The following PIWIL2 variants were observed in gnomAD, a reference collection of about 807,000 sequenced individuals.
PIWIL2 encodes the protein piwi like RNA-mediated gene silencing 2.
In PIWIL2, 81 loss-of-function variants were observed where a neutral mutation model predicts 116.5. The ratio of observed to expected loss-of-function variants is 0.70; its 90% confidence interval spans 0.58 to 0.84. The LOEUF (loss-of-function observed/expected upper bound fraction) is 0.84, where lower values mean the gene tolerates loss of function less well. Ranked by LOEUF, PIWIL2 falls within the 40% of genes least tolerant of loss-of-function variation. PIWIL2 has a pLI of 0.00. For missense variants in PIWIL2, 1,272 were observed against 1,212.3 expected, an observed-to-expected ratio of 1.05 and a Z score of -0.73; for synonymous variants, 489 against 429.5, an observed-to-expected ratio of 1.14 and a Z score of -1.71.
At chr8:22,311,529 G>A (rs80076161) in intron 16 of PIWIL2, among the ~76,000 whole-genome samples, 1,658 of 152,178 alleles carry the variant, frequency 0.011, 43 homozygotes, top group African/African-American at 0.037. Flanking sequence ...TTTTTCTTAC[G>A]TAACTGGCTG....
In PIWIL2 at chr8:22,318,384, C is replaced by G. The variant is rs562807372; in HGVS notation, c.2403+109C>G. The G allele has an allele frequency of 4.4e-5, 27 of 616,402 alleles. No individual in the cohort carries two copies. In the African/African-American group the frequency reaches 5.0e-4, roughly 11 times the overall value. The allele number at this position is 616,402 out of a possible 1,614,324, so 38.2% of individuals were successfully genotyped here. A position where few individuals can be genotyped will look rare whatever the true frequency, so the allele number is the denominator to read the frequency against. On this transcript the variant is annotated intron_variant, in intron 20 of 22. Transcript: ENST00000356766. ...CCAGGTTGGAGTGCAGTGGTGCGATCTCTGTTCACTGCAACCTCTGCCTCC... is the reference window on the plus strand; with the variant it reads ...CCAGGTTGGAGTGCAGTGGTGCGATGTCTGTTCACTGCAACCTCTGCCTCC...
intron 10 of PIWIL2, among the ~76,000 whole-genome samples, chr8:22,303,352 A>G (rs7015860): frequency 0.061 from 9,275 of 152,272 alleles, 350 homozygotes; most frequent in Admixed American, 0.092. Context: ...GCAACTTTCT[A>G]TGATTTGATG....
At chr8:22,295,652 C>T (rs1830880856) in intron 10 of PIWIL2, among the ~76,000 whole-genome samples, 1 of 152,118 alleles carries the variant, frequency 6.6e-6, no homozygotes, top group African/African-American at 2.4e-5. Context: ...CCTCCCTTGT[C>T]CCCTGCAGCT....
At chr8:22,330,817 TC>T (rs1474356983) in intron 20 of PIWIL2, among the ~76,000 whole-genome samples, 1 of 151,904 alleles carries the variant, frequency 6.6e-6, no homozygotes, top group African/African-American at 2.4e-5. Flanking sequence ...TGACTTTTTT[TC>T]CCCATGCATA....
In PIWIL2 at chr8:22,316,787, A is replaced by G. The variant is rs71513879; in HGVS notation, c.2297+454A>G. Among the ~76,000 whole-genome samples, 858 of 150,506 alleles carry G rather than the reference A, an allele frequency of 5.7e-3. 4 individuals carry two copies. Among genetic ancestry groups the G allele is most frequent in the South Asian group, 0.011 (52 of 4,748 alleles). On this transcript the variant is annotated intron_variant, in intron 19 of 22. Transcript: ENST00000356766. Reference sequence around the variant, plus strand: ...GTGAGCCATCATGCCCGGCTATGAAATTTGTTTATGCAACTTTTTTTTTTT... The same window carrying G: ...GTGAGCCATCATGCCCGGCTATGAAGTTTGTTTATGCAACTTTTTTTTTTT...
chr8:22,329,939 T>C (rs1398942070), intron 20 of PIWIL2, among the ~76,000 whole-genome samples: 2 of 152,226 alleles, frequency 1.3e-5, no homozygotes. Flanking sequence ...TTTATCCTGC[T>C]TGGTGTCCCT....
In PIWIL2 at chr8:22,282,707, C is replaced by T. The variant is rs188094995; in HGVS notation, c.426-327C>T. ...CCAGGCTGAAGTGATCCTCCCACCT[C>T]AGCCACCCGAGTAGCTGGGACTACA... On this transcript the variant is annotated intron_variant, in intron 4 of 22. Coordinates refer to ENST00000356766, the MANE Select transcript of PIWIL2 (RefSeq NM_018068.5). Among the ~76,000 whole-genome samples, 1,070 of 152,190 alleles carry T rather than the reference C, an allele frequency of 7.0e-3. 5 individuals carry two copies. The highest frequency in any genetic ancestry group is 9.8e-3 in the Admixed American group (149 of 15,280).
At position 22,283,157 on chromosome 8, in the gene PIWIL2, G is replaced by T. The variant is rs769094695; in HGVS notation, c.549G>T (p.Gln183His). Residue 183 changes from glutamine to histidine, a missense_variant, in exon 5 of 23, where the codon CAG becomes CAT. Transcript: ENST00000356766. ...GCACACCGTCCCGGGGTCCCCCGCAGCTGTCATCACCACCAGCTCTGCCCC... is the reference window on the plus strand; with the variant it reads ...GCACACCGTCCCGGGGTCCCCCGCATCTGTCATCACCACCAGCTCTGCCCC... ...TFSTPSRGPP[Q>H]LSSPPALPQS... 2 of 1,614,132 alleles carry T rather than the reference G, an allele frequency of 1.2e-6. No individual in the cohort carries two copies.
chr8:22,323,082 T>A (rs1181098495), intron 20 of PIWIL2, among the ~76,000 whole-genome samples: 2 of 151,442 alleles, frequency 1.3e-5, no homozygotes, highest in Admixed American at 6.6e-5. Context: ...CCCAGCTAAT[T>A]TTTGTATTTT....
At chr8:22,340,516 G>A (rs1258874744) in intron 20 of PIWIL2, among the ~76,000 whole-genome samples, 1 of 152,116 alleles carries the variant, frequency 6.6e-6, no homozygotes, top group Non-Finnish European at 1.5e-5. Context: ...TGGGTCCTAA[G>A]CCAATGATGG....
intron 20 of PIWIL2, among the ~76,000 whole-genome samples, chr8:22,330,870 T>C (rs1350127865): frequency 6.6e-6 from 1 of 151,902 alleles, no homozygotes; most frequent in East Asian, 1.9e-4. Context: ...TCATAATTCT[T>C]TGTTGAAAAC....
At chr8:22,350,131 A>G (rs948051054) in intron 20 of PIWIL2, among the ~76,000 whole-genome samples, 17 of 152,322 alleles carry the variant, frequency 1.1e-4, no homozygotes, top group African/African-American at 3.4e-4. Flanking sequence ...ATGAAGAATT[A>G]TCTACCCACA....
chr8:22,304,900 C>G, intron 12 of PIWIL2, 32 bp downstream of exon 12: 1 of 1,408,016 alleles, frequency 7.1e-7, no homozygotes, highest in Non-Finnish European at 1.0e-6. Flanking sequence ...ACAATTCCAG[C>G]TTAAGTTCTT....
At chr8:22,338,755 G>A (rs1832039193) in intron 20 of PIWIL2, among the ~76,000 whole-genome samples, 1 of 152,030 alleles carries the variant, frequency 6.6e-6, no homozygotes, top group African/African-American at 2.4e-5. Context: ...GAAAACAATG[G>A]AGTACTTTGG....
intron 6 of PIWIL2, among the ~76,000 whole-genome samples, chr8:22,286,304 A>C (rs969602202): frequency 6.6e-6 from 1 of 152,362 alleles, no homozygotes; most frequent in East Asian, 1.9e-4. Context: ...CACTCATTTA[A>C]AAAGTTTATA....
intron 20 of PIWIL2, among the ~76,000 whole-genome samples, chr8:22,334,039 T>G (rs1395190181): frequency 6.6e-6 from 1 of 151,134 alleles, no homozygotes; most frequent in Non-Finnish European, 1.5e-5. Flanking sequence ...AGTGGTAGGA[T>G]CTCAGCTCAC....
chr8:22,355,322 G>A (rs1452568220), intron 22 of PIWIL2, 27 bp from the exon 23 acceptor site: 2 of 1,612,758 alleles, frequency 1.2e-6, no homozygotes, highest in South Asian at 1.1e-5. Flanking sequence ...GGGATGATGA[G>A]AATTATATTT....
At chr8:22,332,514 A>G (rs933963651) in intron 20 of PIWIL2, among the ~76,000 whole-genome samples, 4 of 152,130 alleles carry the variant, frequency 2.6e-5, no homozygotes, top group Non-Finnish European at 5.9e-5. Context: ...CAGGATTTAT[A>G]AAAAGAAAAG....
chr8:22,346,026 T>G (rs1219246896), intron 20 of PIWIL2, among the ~76,000 whole-genome samples: 1 of 152,076 alleles, frequency 6.6e-6, no homozygotes, highest in East Asian at 1.9e-4. Flanking sequence ...GTTTCAAAAT[T>G]CTGAAAGTAA....
Sources: gnomAD v4.1 joint callset for allele counts (sites outside exome capture counted in the v4.1 genomes callset) on GRCh38, gnomAD v4.1.1 for gene constraint, MANE v1.5 for transcripts, NCBI Gene and HGNC (gene_info 2026-07-23, HGNC 2026-07-21) for gene names.